NAV2: variants seen among roughly 807,000 people sequenced by gnomAD.
The protein encoded by NAV2 is neuron navigator 2.
Under a neutral mutation model 223.2 loss-of-function variants are expected in NAV2, and 54 were observed. That is an observed-to-expected ratio of 0.24 (90% CI 0.19 to 0.30). The LOEUF (loss-of-function observed/expected upper bound fraction) is 0.30. Ranked by LOEUF, NAV2 falls within the 10% of genes least tolerant of loss-of-function variation. The pLI is 1.00. For missense variants in NAV2, 2,806 were observed against 3,147.5 expected, an observed-to-expected ratio of 0.89 and a Z score of 2.60; for synonymous variants, 1,279 against 1,239.3, an observed-to-expected ratio of 1.03 and a Z score of -0.67.
chr11:19,502,017 A>G (rs1206288193), intron 1 of NAV2, among the ~76,000 whole-genome samples: 1 of 152,144 alleles, frequency 6.6e-6, no homozygotes, highest in Non-Finnish European at 1.5e-5. Flanking sequence ...AAGCGTCTTG[A>G]GACCTTTTAG....
intron 1 of NAV2, among the ~76,000 whole-genome samples, chr11:19,757,340 G>C (rs77176998): frequency 6.6e-6 from 1 of 152,148 alleles, no homozygotes; most frequent in East Asian, 1.9e-4. Flanking sequence ...TTTTTAGCAG[G>C]AGTACTCAAG....
intron 1 of NAV2, among the ~76,000 whole-genome samples, chr11:19,816,892 C>T (rs937716818): frequency 6.6e-6 from 1 of 152,090 alleles, no homozygotes; most frequent in Admixed American, 6.5e-5. Flanking sequence ...AGAGGAGGCT[C>T]CCACCACCTT....
At chr11:20,023,894 C>A (rs1366656427) in intron 11 of NAV2, among the ~76,000 whole-genome samples, 1 of 152,144 alleles carries the variant, frequency 6.6e-6, no homozygotes, top group Non-Finnish European at 1.5e-5. Context: ...ACATGCCAAG[C>A]ATCTAGCAGA....
intron 22 of NAV2, among the ~76,000 whole-genome samples, chr11:20,070,361 T>C (rs2059322404): frequency 6.6e-6 from 1 of 152,200 alleles, no homozygotes; most frequent in Admixed American, 6.5e-5. Flanking sequence ...ATGCCAATTG[T>C]TGCCTTTACT....
chr11:19,655,747 T>TTG (rs1179674705), intron 1 of NAV2, among the ~76,000 whole-genome samples: 1 of 46,276 alleles, frequency 2.2e-5, no homozygotes, highest in Non-Finnish European at 3.9e-5. Context: ...TGTTTTGGGG[T>TTG]GGGGGGAGGG....
intron 6 of NAV2, among the ~76,000 whole-genome samples, chr11:19,911,536 T>C (rs1020933178): frequency 1.3e-5 from 2 of 152,206 alleles, no homozygotes; most frequent in African/African-American, 4.8e-5. Context: ...GGAGCATGCC[T>C]GTCATGTTCA....
chr11:19,933,385 C>A lies in NAV2; in HGVS notation c.1141C>A (p.Pro381Thr). The change falls in exon 7 of 38, where the codon CCT (proline) becomes ACT (threonine). Residue 381 changes from proline to threonine, a missense_variant. Pro to Thr is a conservative substitution (Grantham distance 38). Coordinates refer to ENST00000349880, the MANE Select transcript of NAV2 (RefSeq NM_145117.5). This position sits in a 1 kb window ranked among gnomAD's most constrained non-coding sequence, Gnocchi z 4.3. ...VSMLSVKPPG[P>T]EAPRPTPEAM... ...CATGCTCTCGGTCAAGCCTCCTGGG[C>A]CTGAGGCCCCCAGGCCCACACCTGA... The A allele has an allele frequency of 6.3e-7, 1 of 1,585,140 alleles. No individual in the cohort carries two copies. Among genetic ancestry groups the A allele is most frequent in the South Asian group, 1.1e-5 (1 of 87,428 alleles).
chr11:20,074,525 C>T (rs1192820852), intron 22 of NAV2, among the ~76,000 whole-genome samples: 1 of 152,056 alleles, frequency 6.6e-6, no homozygotes, highest in Non-Finnish European at 1.5e-5. Flanking sequence ...CTAATATTGA[C>T]AGTAGGGTGT....
intron 1 of NAV2, among the ~76,000 whole-genome samples, chr11:19,363,102 G>A (rs1854052442): frequency 6.6e-6 from 1 of 152,064 alleles, no homozygotes; most frequent in South Asian, 2.1e-4. Context: ...ACCTACATGA[G>A]GCATTTCTCC....
At position 20,045,469 on chromosome 11, in the gene NAV2, C is replaced by T. The variant is rs968369685; in HGVS notation, c.3701C>T (p.Ser1234Phe). The part of the protein sequence containing the change: ...GLPVPKLREP[S>F]KTALGSSLPG... The stretch of plus-strand genomic sequence containing the variant: ...CCAGTGCCCAAACTGAGGGAGCCTT[C>T]CAAAACAGCCCTAGGCAGCTCTCTA... The change falls in exon 14 of 38, where the codon TCC (serine) becomes TTC (phenylalanine). Residue 1234 changes from serine (S) to phenylalanine (F), a missense_variant. Around this residue, in one of 4 missense-constraint regions of NAV2, gnomAD observed 742 missense variants for 777.9 expected, o/e 0.95. Coordinates refer to ENST00000349880, the MANE Select transcript of NAV2 (RefSeq NM_145117.5). 6 of 1,614,038 alleles carry T rather than the reference C, an allele frequency of 3.7e-6. No homozygotes were observed. The Admixed American group carries it at 6.7e-5, about 18-fold the overall frequency.
intron 10 of NAV2, among the ~76,000 whole-genome samples, chr11:19,956,710 A>G (rs2047915903): frequency 6.6e-6 from 1 of 152,008 alleles, no homozygotes; most frequent in African/African-American, 2.4e-5. Context: ...TGTGTCCACC[A>G]CCCTGGAAGC....
chr11:20,081,324 A>G (rs1014761284), intron 25 of NAV2, among the ~76,000 whole-genome samples: 3 of 152,230 alleles, frequency 2.0e-5, no homozygotes, highest in Admixed American at 6.5e-5. Flanking sequence ...CTAATATGCA[A>G]TCGATAAACA....
At chr11:19,358,149 C>T (rs536410536) in intron 1 of NAV2, among the ~76,000 whole-genome samples, 17 of 152,156 alleles carry the variant, frequency 1.1e-4, no homozygotes, top group African/African-American at 3.9e-4. Flanking sequence ...TCTTCTTTCT[C>T]ATTGGTATAA....
At chr11:19,958,492 T>G (rs1375274377) in intron 10 of NAV2, among the ~76,000 whole-genome samples, 3 of 151,994 alleles carry the variant, frequency 2.0e-5, no homozygotes, top group Admixed American at 6.6e-5. Context: ...TGAGGGTCGG[T>G]GGGAAAAGTG....
intron 1 of NAV2, among the ~76,000 whole-genome samples, chr11:19,758,131 G>A (rs1590339148): frequency 6.6e-6 from 1 of 152,056 alleles, no homozygotes. Flanking sequence ...GAGAATAAAG[G>A]GTTTTGTTCA....
intron 1 of NAV2, among the ~76,000 whole-genome samples, chr11:19,393,080 G>A (rs958804749): frequency 6.6e-6 from 1 of 152,200 alleles, no homozygotes; most frequent in Non-Finnish European, 1.5e-5. Context: ...CACAGGCAGA[G>A]ATCTGTGAAT....
chr11:19,889,186 G>T (rs948887471), intron 5 of NAV2, among the ~76,000 whole-genome samples: 4 of 152,154 alleles, frequency 2.6e-5, no homozygotes, highest in African/African-American at 4.8e-5. Flanking sequence ...AGATGTTTTG[G>T]TTCCCTCCTG....
chr11:20,092,397 G>A (rs975602700), intron 28 of NAV2, 29 bp downstream of exon 28: 1 of 1,592,492 alleles, frequency 6.3e-7, no homozygotes, highest in East Asian at 2.3e-5. Flanking sequence ...TTGGGGGCAG[G>A]AATGGACCTA....
intron 1 of NAV2, among the ~76,000 whole-genome samples, chr11:19,461,974 T>A (rs9633840): frequency 0.61 from 92,044 of 151,394 alleles, 28,712 homozygotes; most frequent in Non-Finnish European, 0.7. Context: ...CCTGGCTAAT[T>A]TTTTGTGTGT....
Sources: gnomAD v4.1 joint callset for allele counts (sites outside exome capture counted in the v4.1 genomes callset) on GRCh38, gnomAD v4.1.1 for gene constraint, gnomAD v4.1.1 regional missense constraint, Gnocchi (gnomAD v3.1) non-coding constraint, MANE v1.5 for transcripts, NCBI Gene and HGNC (gene_info 2026-07-23, HGNC 2026-07-21) for gene names.